Variants in EYS observed in about 807,000 individuals in gnomAD.
The protein encoded by EYS is EGF-like photoreceptor maintenance factor.
A neutral mutation model predicts 282.1 loss-of-function variants in EYS; 250 were observed. That is an observed-to-expected ratio of 0.89 (90% CI 0.80 to 0.98). EYS has a LOEUF of 0.98. Ranked by LOEUF, EYS falls within the 50% of genes least tolerant of loss-of-function variation. The pLI is 0.00. For missense variants in EYS, 4,016 were observed against 3,709.0 expected (o/e 1.08, Z -2.15); for synonymous variants, 1,355 against 1,282.9 (o/e 1.06, Z -1.20).
rs1263981706 is a variant in EYS at position 64,661,881 on chromosome 6, G to T, written c.3444-35636C>A. On this transcript the variant is annotated intron_variant, in intron 22 of 42. Transcript: ENST00000503581. ...CATTTGACCCAGCCATCCCATTACTGGGTATATACCCAAAGTATTATAAAT... is the reference window on the plus strand; with the variant it reads ...CATTTGACCCAGCCATCCCATTACTTGGTATATACCCAAAGTATTATAAAT... Among the ~76,000 whole-genome samples, 3 of 139,906 alleles carry T rather than the reference G, an allele frequency of 2.1e-5. No homozygotes were observed. The East Asian group carries it at 6.1e-4, about 28-fold the overall frequency. The allele number at this position is 139,906 out of a possible 152,430, so 91.8% of individuals were successfully genotyped here.
intron 36 of EYS, among the ~76,000 whole-genome samples, chr6:63,815,420 T>C (rs995808177): frequency 2.0e-5 from 3 of 152,302 alleles, no homozygotes; most frequent in African/African-American, 7.2e-5. Flanking sequence ...CTCATGACAT[T>C]GGCCAGTTAA....
intron 32 of EYS, among the ~76,000 whole-genome samples, chr6:64,079,793 A>G (rs1310548316): frequency 6.6e-6 from 1 of 151,984 alleles, no homozygotes; most frequent in East Asian, 1.9e-4. Context: ...TCATTGTTCA[A>G]TTCCCACCTA....
intron 12 of EYS, among the ~76,000 whole-genome samples, chr6:65,283,181 T>C (rs1176364265): frequency 6.6e-6 from 1 of 151,996 alleles, no homozygotes; most frequent in Non-Finnish European, 1.5e-5. Context: ...TATTTGTTAG[T>C]TAATATTTTT....
intron 22 of EYS, among the ~76,000 whole-genome samples, chr6:64,789,863 G>A (rs184128255): frequency 9.6e-4 from 142 of 148,152 alleles, no homozygotes; most frequent in Middle Eastern, 3.4e-3. Context: ...CAAGGAAAGC[G>A]ATGGGATTCT....
chr6:63,799,011 A>ATG (rs1770717459), intron 37 of EYS, among the ~76,000 whole-genome samples: 1 of 133,006 alleles, frequency 7.5e-6, no homozygotes, highest in Non-Finnish European at 1.6e-5. Context: ...ATATATATAT[A>ATG]TATATATATA....
chr6:64,837,482 C>A (rs1765417154), intron 19 of EYS, among the ~76,000 whole-genome samples: 1 of 149,708 alleles, frequency 6.7e-6, no homozygotes, highest in South Asian at 2.1e-4. Flanking sequence ...CTGGTCAGAG[C>A]AATTTGGTAA....
chr6:65,294,201 C>T (rs1285269839), intron 12 of EYS, among the ~76,000 whole-genome samples: 1 of 151,756 alleles, frequency 6.6e-6, no homozygotes, highest in Non-Finnish European at 1.5e-5. Flanking sequence ...TTTAAACTGC[C>T]CCCAAAAGAT....
At chr6:64,500,459 T>G (rs1308882288) in intron 26 of EYS, among the ~76,000 whole-genome samples, 4 of 152,116 alleles carry the variant, frequency 2.6e-5, no homozygotes, top group Non-Finnish European at 4.4e-5. Context: ...AAGCTGACAT[T>G]CAGTCATCAA....
rs551068798 is a variant in EYS, at chr6:65,352,068, G to A, written c.1459+1390C>T. On this transcript the variant is annotated intron_variant, in intron 9 of 42. Coordinates refer to ENST00000503581, the MANE Select transcript of EYS (RefSeq NM_001142800.2). ...GCATCAACATAGTATAATCAACAAT[G>A]CTTTGCTCTCTTCTACCACTTTTGG... 8.6e-5 allele frequency among the ~76,000 whole-genome samples: 13 copies of A among 151,896 alleles called. No individual in the cohort carries two copies. The South Asian group carries it at 2.7e-3, about 31-fold the overall frequency.
intron 25 of EYS, among the ~76,000 whole-genome samples, 160 bp downstream of exon 25, chr6:64,592,957 A>G (rs542444952): frequency 1.1e-4 from 16 of 152,274 alleles, no homozygotes; most frequent in South Asian, 4.1e-4. Context: ...GTTTAAAACA[A>G]AACTTAAAAC....
At chr6:64,969,061 C>T (rs1387929280) in intron 14 of EYS, among the ~76,000 whole-genome samples, 1 of 151,684 alleles carries the variant, frequency 6.6e-6, no homozygotes, top group Non-Finnish European at 1.5e-5. Context: ...ACATTGTTTT[C>T]TGAGTATTTC....
chr6:65,299,755 C>T (rs553628536), intron 11 of EYS, among the ~76,000 whole-genome samples: 1 of 152,122 alleles, frequency 6.6e-6, no homozygotes, highest in Admixed American at 6.6e-5. Context: ...TCATTTATCT[C>T]AATATTTCCA....
At chr6:63,880,521 A>ATCTATCTATCTG (rs1773105022) in intron 35 of EYS, among the ~76,000 whole-genome samples, 1 of 151,816 alleles carries the variant, frequency 6.6e-6, no homozygotes, top group African/African-American at 2.4e-5. Context: ...CTATCTATCT[A>ATCTATCTATCTG]TCTATCTATT....
intron 19 of EYS, among the ~76,000 whole-genome samples, chr6:64,847,294 TG>T (rs1210928959): frequency 1.3e-5 from 2 of 152,038 alleles, no homozygotes; most frequent in Non-Finnish European, 2.9e-5. Flanking sequence ...TGTGTGTGTG[TG>T]TGTGTGTATC....
At chr6:64,901,999 C>T in intron 18 of EYS, 114 bp downstream of exon 18, 1 of 676,182 alleles carries the variant, frequency 1.5e-6, no homozygotes, top group Non-Finnish European at 2.5e-6. Context: ...GGTACAAGCA[C>T]AAATGTATCA....
intron 29 of EYS, among the ~76,000 whole-genome samples, chr6:64,314,194 CAAAA>C (rs138447983): frequency 0.02 from 546 of 27,654 alleles, 3 homozygotes; most frequent in African/African-American, 0.078. Context: ...AAATGGAAAG[CAAAA>C]AAAAAAAAAA....
chr6:65,603,305 T>C (rs907217882), intron 2 of EYS, among the ~76,000 whole-genome samples: 2 of 151,910 alleles, frequency 1.3e-5, no homozygotes, highest in African/African-American at 4.8e-5. Context: ...GAATTCTAAC[T>C]ATATTCAAAA....
intron 2 of EYS, among the ~76,000 whole-genome samples, chr6:65,502,464 C>T (rs1226867620): frequency 6.6e-6 from 1 of 151,572 alleles, no homozygotes; most frequent in Non-Finnish European, 1.5e-5. Context: ...CTCATGTGTA[C>T]CATATTGTCC....
At position 64,469,150 on chromosome 6, in the gene EYS, G is replaced by A. The variant is rs922467326; in HGVS notation, c.5645-29798C>T. Among the ~76,000 whole-genome samples, 4 of 152,116 alleles carry A rather than the reference G, an allele frequency of 2.6e-5. No homozygotes were observed. The South Asian group carries it at 6.2e-4, about 24-fold the overall frequency. ...TTTTCTTTTTTCTCTGCAACCTCGC[G>A]AGCATCTGTTATTTTTTGACTTTTT... On this transcript the variant is annotated intron_variant, in intron 26 of 42. Transcript: ENST00000503581.
Sources: allele counts gnomAD v4.1 joint callset (sites outside exome capture counted in the v4.1 genomes callset), GRCh38; gene constraint gnomAD v4.1.1; transcripts MANE v1.5; gene names NCBI Gene and HGNC (gene_info 2026-07-23, HGNC 2026-07-21).